The following TOGARAM1 variants were observed in gnomAD, a reference collection of about 807,000 sequenced individuals.
TOGARAM1 encodes TOG array regulator of axonemal microtubules protein 1.
A neutral mutation model predicts 166.6 loss-of-function variants in TOGARAM1; 100 were observed. The observed-to-expected ratio is 0.60, with a 90% confidence interval of 0.51 to 0.71. The LOEUF (loss-of-function observed/expected upper bound fraction) is 0.71. Ranked by LOEUF, TOGARAM1 falls within the 30% of genes least tolerant of loss-of-function variation. TOGARAM1 has a pLI of 0.00. For missense variants in TOGARAM1, 2,029 were observed against 2,102.7 expected, an observed-to-expected ratio of 0.96 and a Z score of 0.69; for synonymous variants, 758 against 763.8, an observed-to-expected ratio of 0.99 and a Z score of 0.13.
chr14:45,024,278 T>G (rs1880697824), intron 7 of TOGARAM1, among the ~76,000 whole-genome samples: 1 of 152,176 alleles, frequency 6.6e-6, no homozygotes. Context: ...GCAAACTAGA[T>G]TCCATGATTT....
At position 44,962,395 on chromosome 14, in the gene TOGARAM1, C is replaced by G. The variant is rs375803829; in HGVS notation, c.-27C>G. 1.2e-3 allele frequency: 1,849 copies of G among 1,517,612 alleles called. 25 individuals carry two copies. Among genetic ancestry groups the G allele is most frequent in the Non-Finnish European group, 3.0e-4 (341 of 1,138,866 alleles). The allele number at this position is 1,517,612 out of a possible 1,614,324, so 94.0% of individuals were successfully genotyped here. A position where few individuals can be genotyped will look rare whatever the true frequency, so the allele number is the denominator to read the frequency against. On this transcript the variant is annotated 5_prime_UTR_variant, in exon 1 of 20. Coordinates refer to ENST00000361462, the MANE Select transcript of TOGARAM1 (RefSeq NM_001308120.2). ...CCTTTGGAGACGGCAATGGTTTCTT[C>G]CAACCACCACCACCTGACAACCCTG...
chr14:44,982,634 G>A (rs552933431), intron 1 of TOGARAM1, among the ~76,000 whole-genome samples: 12 of 152,242 alleles, frequency 7.9e-5, no homozygotes, highest in South Asian at 2.1e-4. Flanking sequence ...TGTTACAGGC[G>A]GAGACCAAAT....
rs774425592 is a variant in TOGARAM1, at chr14:44,962,688, G to A, written c.267G>A (p.Leu89=). The change falls in exon 1 of 20, where the codon TTG becomes TTA. Residue 89 remains leucine (L), a synonymous_variant. Transcript: ENST00000361462. ...GCTGGTCTGAGTCTGGAGGCGGTTT[G>A]TCAGGGGGAGATGAAGAGGACACTC... is the stretch of plus-strand genomic sequence containing the variant. ...SSSWSESGGG[L]SGGDEEDTRL... The A allele has an allele frequency of 6.2e-7, 1 of 1,614,216 alleles. No homozygotes were observed. The highest frequency in any genetic ancestry group is 8.5e-7 in the Non-Finnish European group (1 of 1,180,046).
intron 3 of TOGARAM1, among the ~76,000 whole-genome samples, chr14:45,000,570 A>G (rs928151867): frequency 1.3e-5 from 2 of 152,108 alleles, no homozygotes; most frequent in African/African-American, 4.8e-5. Context: ...TCCATTGTGT[A>G]TATGTACCAC....
chr14:45,006,499 T>C, intron 5 of TOGARAM1: 1 of 353,890 alleles, frequency 2.8e-6, no homozygotes, highest in Non-Finnish European at 5.2e-6. Context: ...TCTTCAAGTA[T>C]TTTTTCTATG....
At chr14:45,030,841 A>T (rs1190907672) in intron 10 of TOGARAM1, among the ~76,000 whole-genome samples, 2 of 152,192 alleles carry the variant, frequency 1.3e-5, no homozygotes, top group African/African-American at 4.8e-5. Context: ...TCTCCCACTC[A>T]TTAGCAATGG....
At chr14:45,028,479 G>T (rs1880988081) in intron 10 of TOGARAM1, 150 bp downstream of exon 10, 1 of 767,914 alleles carries the variant, frequency 1.3e-6, no homozygotes, top group Admixed American at 2.8e-5. Context: ...TTAGCTTTGT[G>T]ACCTGGAAGC....
At chr14:45,030,006 A>G (rs28681969) in intron 10 of TOGARAM1, among the ~76,000 whole-genome samples, 24,015 of 151,918 alleles carry the variant, frequency 0.16, 3,539 homozygotes, top group African/African-American at 0.39. Flanking sequence ...ATTTTTAGTC[A>G]AGACGGGGTT....
At chr14:45,053,476 T>G (rs1347006826) in intron 15 of TOGARAM1, among the ~76,000 whole-genome samples, 2 of 152,214 alleles carry the variant, frequency 1.3e-5, no homozygotes, top group Non-Finnish European at 2.9e-5. Flanking sequence ...ATGTTTAATT[T>G]AATAAAGTAA....
chr14:44,973,748 C>T (rs1394267651), intron 1 of TOGARAM1, among the ~76,000 whole-genome samples: 5 of 151,268 alleles, frequency 3.3e-5, no homozygotes, highest in African/African-American at 1.2e-4. Context: ...TATTTTTCTT[C>T]ACTTGTGAAA....
chr14:44,990,052 A>G (rs934061372), intron 1 of TOGARAM1, among the ~76,000 whole-genome samples: 2 of 152,052 alleles, frequency 1.3e-5, no homozygotes, highest in Non-Finnish European at 2.9e-5. Context: ...TGATCCAGTC[A>G]CCTCCCACCA....
intron 3 of TOGARAM1, 28 bp from the exon 4 acceptor site, chr14:45,004,033 T>C (rs1198721679): frequency 5.1e-6 from 8 of 1,564,324 alleles, no homozygotes; most frequent in Middle Eastern, 1.7e-4. Flanking sequence ...TATACATAAA[T>C]AATATATTAT....
At chr14:45,049,253 A>G (rs1046033478) in intron 14 of TOGARAM1, among the ~76,000 whole-genome samples, 1 of 150,560 alleles carries the variant, frequency 6.6e-6, no homozygotes, top group African/African-American at 2.4e-5. Flanking sequence ...TGTACCAGTC[A>G]CAGAAAGCGC....
At chr14:44,995,974 A>T in intron 2 of TOGARAM1, 72 bp downstream of exon 2, 1 of 1,277,224 alleles carries the variant, frequency 7.8e-7, no homozygotes, top group South Asian at 1.6e-5. Flanking sequence ...GCATTCAATG[A>T]CTCATAGAAC....
intron 14 of TOGARAM1, 61 bp downstream of exon 14, chr14:45,046,764 A>G: frequency 8.2e-7 from 1 of 1,215,394 alleles, no homozygotes; most frequent in Admixed American, 4.2e-5. Flanking sequence ...GTAGGAAAAG[A>G]AAGAAAGTTT....
At chr14:44,968,323 G>A (rs553287573) in intron 1 of TOGARAM1, among the ~76,000 whole-genome samples, 4 of 152,202 alleles carry the variant, frequency 2.6e-5, no homozygotes, top group East Asian at 1.9e-4. Context: ...GCAGTGGCGC[G>A]ATCTCGGCTC....
intron 17 of TOGARAM1, among the ~76,000 whole-genome samples, chr14:45,067,139 A>G (rs1301738933): frequency 6.6e-6 from 1 of 152,096 alleles, no homozygotes; most frequent in Non-Finnish European, 1.5e-5. Flanking sequence ...AGTGAAAAGA[A>G]TGGATTTTCT....
Position 44,990,693 on chromosome 14 carries a change from A to G in TOGARAM1, c.2047-5053A>G, listed in dbSNP as rs1251515323. ...AAAACAAACTGCACACAAAATAGCT[A>G]AATAGTCTGTATTTTGTTTGCACAT... is the stretch of plus-strand genomic sequence containing the variant. On this transcript the variant is annotated intron_variant, in intron 1 of 19. Coordinates refer to ENST00000361462, the MANE Select transcript of TOGARAM1 (RefSeq NM_001308120.2). Among the ~76,000 whole-genome samples the G allele has an allele frequency of 3.9e-5, 6 of 152,320 alleles. No homozygotes were observed. The East Asian group carries it at 9.6e-4, about 24-fold the overall frequency.
intron 8 of TOGARAM1, among the ~76,000 whole-genome samples, chr14:45,026,376 G>C (rs1209493259): frequency 2.0e-5 from 3 of 152,012 alleles, no homozygotes; most frequent in Admixed American, 2.0e-4. Flanking sequence ...TATACATTGA[G>C]GGTATGCATC....
Sources: allele counts gnomAD v4.1 joint callset (sites outside exome capture counted in the v4.1 genomes callset), GRCh38; gene constraint gnomAD v4.1.1; transcripts MANE v1.5; gene names NCBI Gene and HGNC (gene_info 2026-07-23, HGNC 2026-07-21).